The following DLEC1 variants were observed in gnomAD, a reference collection of about 807,000 sequenced individuals.
DLEC1 encodes DLEC1 cilia and flagella associated protein, also known as deleted in lung and esophageal cancer protein 1.
A neutral mutation model predicts 198.1 loss-of-function variants in DLEC1; 146 were observed. The observed-to-expected ratio is 0.74, with a 90% CI of 0.64 to 0.85. DLEC1 has a LOEUF of 0.85. Ranked by LOEUF, DLEC1 falls within the 40% of genes least tolerant of loss-of-function variation. The pLI is 0.00. For synonymous variants in DLEC1, 897 were observed against 866.8 expected, an observed-to-expected ratio of 1.03 and a Z score of -0.61; for missense variants, 2,233 against 2,220.0, an observed-to-expected ratio of 1.01 and a Z score of -0.12.
intron 9 of DLEC1, among the ~76,000 whole-genome samples, chr3:38,087,023 G>A (rs963709746): frequency 2.7e-5 from 4 of 149,888 alleles, no homozygotes; most frequent in Admixed American, 1.3e-4. Flanking sequence ...GCAGTGAGCC[G>A]AGATCGCACC....
chr3:38,045,271 C>T (rs923511397), intron 1 of DLEC1, among the ~76,000 whole-genome samples: 4 of 152,160 alleles, frequency 2.6e-5, no homozygotes, highest in Admixed American at 1.3e-4. Flanking sequence ...TTTGGTATTT[C>T]ACTGTTTGGA....
chr3:38,062,471 AAT>A, intron 4 of DLEC1, 103 bp downstream of exon 4: 1 of 1,576,026 alleles, frequency 6.3e-7, no homozygotes, highest in Non-Finnish European at 8.7e-7. Flanking sequence ...TCCATCGCAA[AAT>A]AGAGTAGAGC....
In DLEC1 at chr3:38,064,009, T is replaced by TTTC. The variant is rs1553613753; in HGVS notation, c.1173+92_1173+93insCTT. 547 of 660,320 alleles carry TTTC rather than the reference T, an allele frequency of 8.3e-4. 5 individuals are homozygous for TTTC. The African/African-American group carries it at 9.7e-3, about 12-fold the overall frequency. The allele number at this position is 660,320 out of a possible 1,614,324, so 40.9% of individuals were successfully genotyped here. On this transcript the variant is annotated intron_variant, in intron 6 of 36. Transcript: ENST00000308059. ...TATGGAAATTTTCTTTTTTTTTTCT[T>TTTC]TTTTTTTTTTTTTTTAGTATTTATT...
chr3:38,116,643 T>C lies in DLEC1; in HGVS notation c.4047T>C (p.His1349=). 1 of 1,614,010 alleles carries C rather than the reference T, an allele frequency of 6.2e-7. No homozygotes were observed. The highest frequency in any genetic ancestry group is 8.5e-7 in the Non-Finnish European group (1 of 1,179,946). The change falls in exon 28 of 37, where the codon CAT becomes CAC. Residue 1349 remains histidine, a synonymous_variant. Coordinates refer to ENST00000308059, the MANE Select transcript of DLEC1 (RefSeq NM_007335.4). ...CCTCCAGTTCATCGGAATTCAGCCA[T>C]GAAACTGACTCATCAGTGAGCAGGG... ...PGPSSSSEFS[H]ETDSSVEGSS... is the part of the protein sequence containing the mutation.
intron 6 of DLEC1, among the ~76,000 whole-genome samples, chr3:38,077,278 T>G (rs1191906934): frequency 1.3e-5 from 2 of 151,550 alleles, no homozygotes; most frequent in African/African-American, 4.9e-5. Flanking sequence ...AGAATAGGAG[T>G]ATGACTAGAC....
chr3:38,100,466 A>C (rs1699250288), intron 19 of DLEC1, 41 bp downstream of exon 19: 2 of 1,567,460 alleles, frequency 1.3e-6, no homozygotes, highest in Non-Finnish European at 1.7e-6. Context: ...CAAACTATGC[A>C]TATTCGTGAT....
intron 6 of DLEC1, among the ~76,000 whole-genome samples, chr3:38,078,215 G>C (rs1477161913): frequency 1.3e-5 from 2 of 152,212 alleles, no homozygotes; most frequent in African/African-American, 4.8e-5. Flanking sequence ...AGTGAGTACA[G>C]CTGAAGGAGC....
intron 2 of DLEC1, among the ~76,000 whole-genome samples, chr3:38,056,222 C>A (rs1444554255): frequency 6.6e-6 from 1 of 151,946 alleles, no homozygotes; most frequent in Non-Finnish European, 1.5e-5. Context: ...GAGATCGTGC[C>A]ATCACACTCC....
chr3:38,070,799 G>A (rs750827349), intron 6 of DLEC1, among the ~76,000 whole-genome samples: 35 of 152,282 alleles, frequency 2.3e-4, no homozygotes, highest in Non-Finnish European at 4.6e-4. Flanking sequence ...TTCTTTTGTG[G>A]TGGAATGTCA....
At chr3:38,088,700 G>T (rs1220299467) in intron 10 of DLEC1, among the ~76,000 whole-genome samples, 2 of 152,184 alleles carry the variant, frequency 1.3e-5, no homozygotes, top group Admixed American at 1.3e-4. Flanking sequence ...TGGTTCTTCA[G>T]TCTCTCTTGG....
intron 19 of DLEC1, among the ~76,000 whole-genome samples, chr3:38,105,549 T>C (rs964725810): frequency 6.6e-6 from 1 of 152,184 alleles, no homozygotes; most frequent in Admixed American, 6.5e-5. Context: ...CATTTTTGTC[T>C]TAAAGCCTAT....
chr3:38,120,123 A>G (rs1036584090), intron 33 of DLEC1, among the ~76,000 whole-genome samples: 1 of 152,172 alleles, frequency 6.6e-6, no homozygotes, highest in African/African-American at 2.4e-5. Flanking sequence ...CACTATCCTC[A>G]GCACACAGAC....
intron 34 of DLEC1, 62 bp downstream of exon 34, chr3:38,120,671 G>A: frequency 6.3e-7 from 1 of 1,599,236 alleles, no homozygotes; most frequent in East Asian, 2.2e-5. Flanking sequence ...GTGTTCTGCT[G>A]GGGCCAGAGG....
intron 15 of DLEC1, 43 bp downstream of exon 15, chr3:38,096,780 G>A: frequency 6.4e-7 from 1 of 1,558,164 alleles, no homozygotes; most frequent in Non-Finnish European, 8.7e-7. Context: ...CCGAGGCAGT[G>A]TTGACATGAG....
At chr3:38,051,454 T>C (rs1411598735) in intron 2 of DLEC1, among the ~76,000 whole-genome samples, 1 of 152,090 alleles carries the variant, frequency 6.6e-6, no homozygotes, top group Non-Finnish European at 1.5e-5. Flanking sequence ...CCCAAGTCAA[T>C]GGGGCCATCG....
intron 13 of DLEC1, 114 bp from the exon 14 acceptor site, chr3:38,095,774 G>A (rs1698982362): frequency 7.3e-7 from 1 of 1,364,982 alleles, no homozygotes; most frequent in Non-Finnish European, 1.0e-6. Flanking sequence ...TTTTCAGAAG[G>A]TCCTTCTGAT....
chr3:38,121,989 A>G (rs1700493892), intron 35 of DLEC1, 82 bp from the exon 36 acceptor site: 2 of 1,575,538 alleles, frequency 1.3e-6, no homozygotes, highest in Non-Finnish European at 1.7e-6. Flanking sequence ...CCAGAGGTAC[A>G]GGCCCGGGGG....
At chr3:38,084,600 TAGC>T (rs1698332555) in intron 7 of DLEC1, among the ~76,000 whole-genome samples, 1 of 36,740 alleles carries the variant, frequency 2.7e-5, no homozygotes, top group Non-Finnish European at 5.7e-5. Flanking sequence ...GTAGTAGTAG[TAGC>T]AGTAGCAGTA....
At chr3:38,095,188 C>A in intron 13 of DLEC1, 117 bp downstream of exon 13, 1 of 1,309,216 alleles carries the variant, frequency 7.6e-7, no homozygotes. Context: ...GCTATCCTGC[C>A]CAGGCCAGCA....
Sources: gnomAD v4.1 joint callset for allele counts (sites outside exome capture counted in the v4.1 genomes callset) on GRCh38, gnomAD v4.1.1 for gene constraint, MANE v1.5 for transcripts, NCBI Gene and HGNC (gene_info 2026-07-23, HGNC 2026-07-21) for gene names.